Variants in PPP1R1C observed in about 807,000 individuals in gnomAD.
The protein encoded by PPP1R1C is protein phosphatase 1 regulatory subunit 1C.
In PPP1R1C, 15 loss-of-function variants were observed where a neutral mutation model predicts 17.4. That is an observed-to-expected ratio of 0.86 (90% CI 0.58 to 1.33). PPP1R1C has a LOEUF of 1.33. Among genes scored for constraint, PPP1R1C ranks in the 40% most tolerant of loss-of-function variants. The pLI is 0.00. For missense variants in PPP1R1C, 143 were observed against 130.0 expected (o/e 1.10, Z -0.48); for synonymous variants, 35 against 43.1 (o/e 0.81, Z 0.73).
intron 2 of PPP1R1C, among the ~76,000 whole-genome samples, chr2:181,977,801 C>A (rs1047655302): frequency 2.0e-5 from 3 of 152,128 alleles, no homozygotes; most frequent in African/African-American, 7.2e-5. Flanking sequence ...ACTCTCACAA[C>A]TGGAGCTGAC....
At chr2:182,054,380 A>G (rs1228325691) in intron 2 of PPP1R1C, among the ~76,000 whole-genome samples, 1 of 152,174 alleles carries the variant, frequency 6.6e-6, no homozygotes, top group Non-Finnish European at 1.5e-5. Flanking sequence ...TATGGCAATC[A>G]AATAGAATTA....
chr2:182,019,804 A>G (rs956251385), intron 2 of PPP1R1C, among the ~76,000 whole-genome samples: 4 of 152,208 alleles, frequency 2.6e-5, no homozygotes, highest in African/African-American at 9.6e-5. Flanking sequence ...AATAAGCTCC[A>G]GGGATCAGAT....
chr2:182,051,745 A>G (rs537044237), intron 2 of PPP1R1C, among the ~76,000 whole-genome samples: 1 of 152,180 alleles, frequency 6.6e-6, no homozygotes, highest in African/African-American at 2.4e-5. Context: ...GTTTATTCCC[A>G]CTGTTTAAAT....
chr2:181,995,882 C>T (rs1430925173), intron 2 of PPP1R1C, among the ~76,000 whole-genome samples: 1 of 152,020 alleles, frequency 6.6e-6, no homozygotes, highest in Non-Finnish European at 1.5e-5. Context: ...ATTCCAGACA[C>T]AATTCCAGAC....
intron 4 of PPP1R1C, among the ~76,000 whole-genome samples, chr2:182,064,708 T>G (rs1445989373): frequency 6.6e-6 from 1 of 152,094 alleles, no homozygotes; most frequent in Non-Finnish European, 1.5e-5. Context: ...AAACACCATG[T>G]TTGCTTGTTC....
chr2:182,104,302 T>A (rs1454152389), intron 4 of PPP1R1C, among the ~76,000 whole-genome samples: 1 of 152,208 alleles, frequency 6.6e-6, no homozygotes, highest in Non-Finnish European at 1.5e-5. Flanking sequence ...TTGAGTATGA[T>A]GTTAGCTATG....
At chr2:181,978,392 T>G (rs541108368) in intron 2 of PPP1R1C, among the ~76,000 whole-genome samples, 3 of 152,216 alleles carry the variant, frequency 2.0e-5, no homozygotes, top group Non-Finnish European at 4.4e-5. Flanking sequence ...TGTTTTTCTT[T>G]GCACCATGAT....
At chr2:181,986,267 GTTCTT>G in intron 1 of PPP1R1C, 76 bp downstream of exon 1, 4 of 1,185,494 alleles carry the variant, frequency 3.4e-6, no homozygotes, top group Non-Finnish European at 3.8e-6. Context: ...TAATTGAAAG[GTTCTT>G]TACCTTTTGA....
At chr2:182,126,700 G>A (rs1161948148) in intron 5 of PPP1R1C, among the ~76,000 whole-genome samples, 4 of 151,956 alleles carry the variant, frequency 2.6e-5, no homozygotes, top group Admixed American at 6.6e-5. Context: ...CCACTCAACC[G>A]TAGGTCTTTC....
At chr2:182,121,108 G>C (rs2125240222), downstream of PPP1R1C, among the ~76,000 whole-genome samples, 1 of 152,204 alleles carries the variant, frequency 6.6e-6, no homozygotes, top group South Asian at 2.1e-4. Context: ...TGGAAGAATG[G>C]GCAAAGAAAC....
chr2:181,966,068 A>G (rs1278704615), intron 1 of PPP1R1C, among the ~76,000 whole-genome samples: 3 of 152,072 alleles, frequency 2.0e-5, no homozygotes, highest in African/African-American at 7.2e-5. Context: ...GCTTGTAGCA[A>G]TTGTAAAGGT....
At chr2:181,966,332 A>G (rs998873403) in intron 1 of PPP1R1C, among the ~76,000 whole-genome samples, 1 of 152,172 alleles carries the variant, frequency 6.6e-6, no homozygotes, top group Non-Finnish European at 1.5e-5. Flanking sequence ...TTGTACTTCC[A>G]GTACCATGTT....
chr2:182,115,815 G>T (rs774676284), intron 4 of PPP1R1C, among the ~76,000 whole-genome samples: 6 of 152,130 alleles, frequency 3.9e-5, no homozygotes, highest in African/African-American at 1.4e-4. Flanking sequence ...GCTGACAGCC[G>T]TACATGCAAA....
chr2:182,088,027 G>C (rs1444471603), intron 4 of PPP1R1C, among the ~76,000 whole-genome samples: 1 of 152,038 alleles, frequency 6.6e-6, no homozygotes. Context: ...ATGATCTCTT[G>C]CTGGCTTTCT....
chr2:182,047,535 A>G (rs1687383348), intron 2 of PPP1R1C, among the ~76,000 whole-genome samples: 1 of 152,196 alleles, frequency 6.6e-6, no homozygotes, highest in Non-Finnish European at 1.5e-5. Context: ...TGTCATCCCC[A>G]AAGAAAACCC....
intron 2 of PPP1R1C, among the ~76,000 whole-genome samples, chr2:182,002,751 A>C (rs1479681089): frequency 6.6e-6 from 1 of 152,150 alleles, no homozygotes; most frequent in South Asian, 2.1e-4. Context: ...ACATGCTTTA[A>C]AATCTCAAAA....
chr2:182,106,136 C>A (rs567977430), intron 4 of PPP1R1C, among the ~76,000 whole-genome samples: 1 of 152,266 alleles, frequency 6.6e-6, no homozygotes, highest in Admixed American at 6.5e-5. Flanking sequence ...TTTAAGGATA[C>A]AATTGATACA....
chr2:182,053,941 C>T (rs990562682), intron 2 of PPP1R1C, among the ~76,000 whole-genome samples: 1 of 151,982 alleles, frequency 6.6e-6, no homozygotes, highest in African/African-American at 2.4e-5. Flanking sequence ...CCATCACGCC[C>T]GGCTAATTTT....
At chr2:182,023,949 T>C (rs1341141919) in intron 2 of PPP1R1C, 1 of 152,134 alleles carries the variant, frequency 6.6e-6, no homozygotes, top group African/African-American at 2.4e-5. Flanking sequence ...AATTTAATAA[T>C]AATTATTCAG....
Sources: allele counts gnomAD v4.1 joint callset (sites outside exome capture counted in the v4.1 genomes callset), GRCh38; gene constraint gnomAD v4.1.1; transcripts MANE v1.5; gene names NCBI Gene and HGNC (gene_info 2026-07-23, HGNC 2026-07-21).